The following TET3 variants were observed in gnomAD, a reference collection of about 807,000 sequenced individuals.
TET3 encodes the protein tet methylcytosine dioxygenase 3, also known as methylcytosine dioxygenase TET3.
TET3 carries 19 observed loss-of-function variants against 141.4 expected under a neutral mutation model. The observed-to-expected ratio is 0.13, with a 90% CI of 0.09 to 0.20. The LOEUF (loss-of-function observed/expected upper bound fraction) is 0.20. Ranked by LOEUF, TET3 falls within the 10% of genes least tolerant of loss-of-function variation. The pLI, the probability that TET3 is intolerant of heterozygous loss-of-function variation, is 1.00. For synonymous variants in TET3, 1,043 were observed against 980.9 expected, an observed-to-expected ratio of 1.06 and a Z score of -1.18; for missense variants, 1,874 against 2,356.9, an observed-to-expected ratio of 0.80 and a Z score of 4.24.
At chr2:74,072,511 TAAAAAAAA>T (rs756082699) in intron 4 of TET3, among the ~76,000 whole-genome samples, 4 of 131,210 alleles carry the variant, frequency 3.0e-5, no homozygotes, top group African/African-American at 1.1e-4. Flanking sequence ...AAACTCCATC[TAAAAAAAA>T]AAAAAAAAAT....
chr2:74,038,928 A>C (rs1485414645), intron 3 of TET3, among the ~76,000 whole-genome samples: 1 of 152,162 alleles, frequency 6.6e-6, no homozygotes, highest in Non-Finnish European at 1.5e-5. Context: ...TCCTTGTCTC[A>C]CTGCTAAATT....
chr2:74,087,886 A>G lies in TET3; in HGVS notation c.2736A>G (p.Ala912=). 1 of 1,551,746 alleles carries G rather than the reference A, an allele frequency of 6.4e-7. No homozygotes were observed. The highest frequency in any genetic ancestry group is 8.7e-7 in the Non-Finnish European group (1 of 1,147,036). ...TACTCTGCCTGGTGCGGCACCGGGCAGGCCACCACTGCCAGAACGCTGTGA... is the reference window on the plus strand; with the variant it reads ...TACTCTGCCTGGTGCGGCACCGGGCGGGCCACCACTGCCAGAACGCTGTGA... ...EKLLCLVRHR[A]GHHCQNAVIV... Residue 912 remains alanine (A), a synonymous_variant, in exon 7 of 12, where the codon GCA becomes GCG. Transcript: ENST00000409262. This position sits in a 1 kb window ranked among gnomAD's most constrained non-coding sequence, Gnocchi z 4.3.
intron 3 of TET3, among the ~76,000 whole-genome samples, chr2:74,011,922 C>G (rs1685456515): frequency 6.6e-6 from 1 of 151,604 alleles, no homozygotes; most frequent in African/African-American, 2.4e-5. Flanking sequence ...AGGAATTTGT[C>G]CATAATTTCA....
intron 3 of TET3, among the ~76,000 whole-genome samples, chr2:74,007,291 C>T (rs1365354609): frequency 2.0e-5 from 3 of 152,200 alleles, no homozygotes; most frequent in Admixed American, 6.5e-5. Context: ...TTTGCTTTCT[C>T]TCTGGCTCAG....
chr2:74,060,123 C>A (rs1359738555), intron 4 of TET3, among the ~76,000 whole-genome samples: 1 of 152,174 alleles, frequency 6.6e-6, no homozygotes, highest in African/African-American at 2.4e-5. Context: ...GTTTAAGCTC[C>A]CACCAGCATT....
chr2:74,068,832 G>A (rs547031302), intron 4 of TET3, among the ~76,000 whole-genome samples: 5 of 152,304 alleles, frequency 3.3e-5, no homozygotes, highest in Admixed American at 2.6e-4. Context: ...CATTTTTCAA[G>A]AACCATTGGT....
At chr2:74,063,438 C>G (rs1688705058) in intron 4 of TET3, among the ~76,000 whole-genome samples, 1 of 152,152 alleles carries the variant, frequency 6.6e-6, no homozygotes, top group South Asian at 2.1e-4. Flanking sequence ...TACTGATGAT[C>G]CTTGTGTAAG....
chr2:73,992,672 ATGG>A (rs1375689920), intron 2 of TET3, among the ~76,000 whole-genome samples: 1 of 152,140 alleles, frequency 6.6e-6, no homozygotes, highest in Non-Finnish European at 1.5e-5. Context: ...TGGTGAACTC[ATGG>A]TGAATTACAA....
chr2:74,089,080 C>CAAAA (rs34315040), intron 7 of TET3, among the ~76,000 whole-genome samples: 10 of 60,566 alleles, frequency 1.7e-4, no homozygotes, highest in African/African-American at 4.3e-4. Flanking sequence ...GATTCCGTCT[C>CAAAA]AAAAAAAAAA....
chr2:74,101,284 A>T lies in TET3; in HGVS notation c.4496A>T (p.Gln1499Leu). Residue 1499 changes from glutamine (Q) to leucine (L), a missense_variant, in exon 12 of 12, where the codon CAG becomes CTG. By Grantham distance (113) the Gln-to-Leu change is moderately radical. This residue lies in a region of TET3 where 602 missense variants were observed against 590.2 expected (regional missense o/e 1.02). Coordinates refer to ENST00000409262, the MANE Select transcript of TET3 (RefSeq NM_001287491.2). This position sits in a 1 kb window ranked among gnomAD's most constrained non-coding sequence, Gnocchi z 8.5. ...GGGCTGTTCCCCGGTGAGGGGCAGC[A>T]GGCAGCTTCCCACTCTGGAGGACGG... ...QWGLFPGEGQQAASHSGGRLR... is the reference protein window; with the variant it reads ...QWGLFPGEGQLAASHSGGRLR... 1 of 1,612,996 alleles carries T rather than the reference A, an allele frequency of 6.2e-7. No homozygotes were observed. The highest frequency in any genetic ancestry group is 8.5e-7 in the Non-Finnish European group (1 of 1,179,566).
chr2:74,077,892 A>G (rs558035785), intron 5 of TET3, among the ~76,000 whole-genome samples: 2 of 152,308 alleles, frequency 1.3e-5, no homozygotes, highest in East Asian at 1.9e-4. Context: ...CCCTGCCCTT[A>G]TGGGTGGCTT....
intron 4 of TET3, among the ~76,000 whole-genome samples, chr2:74,052,672 C>T (rs1688009302): frequency 1.3e-5 from 2 of 151,824 alleles, no homozygotes. Context: ...GAATTCGAGA[C>T]CACCCTGGCC....
Position 74,100,743 on chromosome 2 carries a change from C to T in TET3, c.3955C>T (p.Pro1319Ser), listed in dbSNP as rs776053599. 10 of 1,613,714 alleles carry T rather than the reference C, an allele frequency of 6.2e-6. No homozygotes were observed. In the African/African-American group the frequency reaches 1.2e-4, roughly 19 times the overall value. Reference protein sequence around the residue: ...SGSSGSFEKKPDLHALHNSLS... With the variant: ...SGSSGSFEKKSDLHALHNSLS... ...CAGCAGTGGCAGTTTTGAGAAGAAG[C>T]CAGACCTCCACGCTCTGCACAACAG... is the stretch of plus-strand genomic sequence containing the variant. Residue 1319 changes from proline (P) to serine (S), a missense_variant, in exon 12 of 12, where the codon CCA becomes TCA. Transcript: ENST00000409262.
chr2:74,084,048 A>C (rs980574802), intron 6 of TET3, among the ~76,000 whole-genome samples: 1 of 152,220 alleles, frequency 6.6e-6, no homozygotes, highest in African/African-American at 2.4e-5. Context: ...ATCTGATTTA[A>C]TACCGTGTTC....
At position 74,072,231 on chromosome 2, in the gene TET3, G is replaced by A. The variant is rs1001664531; in HGVS notation, c.2495-1318G>A. On this transcript the variant is annotated intron_variant, in intron 4 of 11. Transcript: ENST00000409262. ...TCTGGCTTCTTAACAAAATGTTTTT[G>A]GTGGGGCACAACAGCTTATGCCTGT... is the stretch of plus-strand genomic sequence containing the variant. Among the ~76,000 whole-genome samples, 64 of 152,258 alleles carry A rather than the reference G, an allele frequency of 4.2e-4. 1 individual carries two copies. Among genetic ancestry groups the A allele is most frequent in the African/African-American group, 1.4e-3 (60 of 41,540 alleles).
chr2:74,099,549 C>T lies in TET3; in HGVS notation c.3541C>T (p.Leu1181=). Residue 1181 remains leucine, a synonymous_variant, in exon 11 of 12, where the codon CTG becomes TTG. Coordinates refer to ENST00000409262, the MANE Select transcript of TET3 (RefSeq NM_001287491.2). ...GAAGAAGAAGATTCAGAAGGAGAAGCTGAGCACTCCGGAGAAGATCAAGCA... is the reference window on the plus strand; with the variant it reads ...GAAGAAGAAGATTCAGAAGGAGAAGTTGAGCACTCCGGAGAAGATCAAGCA... ...AEKKKIQKEK[L]STPEKIKQEA... The T allele has an allele frequency of 6.2e-7, 1 of 1,609,932 alleles. No homozygotes were observed. The highest frequency in any genetic ancestry group is 1.3e-5 in the African/African-American group (1 of 74,954).
chr2:74,078,899 T>TA (rs1689656264), intron 5 of TET3, among the ~76,000 whole-genome samples: 1 of 152,220 alleles, frequency 6.6e-6, no homozygotes. Context: ...AATTCTTGAT[T>TA]AAAAATCCTT....
At chr2:74,108,363 C>G (rs1369364030), downstream of TET3, among the ~76,000 whole-genome samples, 2 of 152,228 alleles carry the variant, frequency 1.3e-5, no homozygotes, top group African/African-American at 4.8e-5. Context: ...AGGCTATCAG[C>G]TGTTAAAACG....
chr2:74,051,915 C>T (rs1233342119), intron 4 of TET3, among the ~76,000 whole-genome samples: 5 of 152,170 alleles, frequency 3.3e-5, no homozygotes, highest in Non-Finnish European at 4.4e-5. Context: ...AGAGAACCAA[C>T]GAAGAGATTT....
Sources: gnomAD v4.1 joint callset for allele counts (sites outside exome capture counted in the v4.1 genomes callset) on GRCh38, gnomAD v4.1.1 for gene constraint, gnomAD v4.1.1 regional missense constraint, Gnocchi (gnomAD v3.1) non-coding constraint, MANE v1.5 for transcripts, NCBI Gene and HGNC (gene_info 2026-07-23, HGNC 2026-07-21) for gene names.